ROBO2: variants seen among roughly 807,000 people sequenced by gnomAD.
ROBO2 encodes the protein roundabout homolog 2.
Under a neutral mutation model 160.8 loss-of-function variants are expected in ROBO2, and 53 were observed. That is an observed-to-expected ratio of 0.33 (90% CI 0.26 to 0.41). The LOEUF is 0.41. ROBO2 is among the 10% of genes least tolerant of loss of function. ROBO2 has a pLI of 1.00. For missense variants in ROBO2, 1,577 were observed against 1,722.4 expected (o/e 0.92, Z 1.49); for synonymous variants, 664 against 611.7 (o/e 1.09, Z -1.26).
chr3:77,538,906 A>C (rs1381671893), intron 6 of ROBO2: 1 of 479,590 alleles, frequency 2.1e-6, no homozygotes, highest in Middle Eastern at 3.3e-4. Context: ...TTTTGCAGAA[A>C]CTTTTTAATT....
chr3:76,637,518 G>A (rs998368806), intron 2 of ROBO2, among the ~76,000 whole-genome samples: 3 of 151,892 alleles, frequency 2.0e-5, no homozygotes, highest in South Asian at 2.1e-4. Flanking sequence ...TATATATGGC[G>A]GGGGAGCCAA....
At chr3:77,138,085 C>T (rs555739208) in intron 2 of ROBO2, among the ~76,000 whole-genome samples, 31 of 152,212 alleles carry the variant, frequency 2.0e-4, no homozygotes, top group African/African-American at 7.5e-4. Context: ...CTTTCTCTTG[C>T]AATTCACTCT....
intron 2 of ROBO2, among the ~76,000 whole-genome samples, chr3:76,543,139 T>C (rs1447546113): frequency 6.6e-6 from 1 of 152,224 alleles, no homozygotes; most frequent in African/African-American, 2.4e-5. Context: ...ATCTGCATTC[T>C]AAATTTTCTT....
At chr3:76,704,873 GGT>G (rs139258358) in intron 2 of ROBO2, among the ~76,000 whole-genome samples, 2,523 of 152,058 alleles carry the variant, frequency 0.017, 59 homozygotes, top group African/African-American at 0.056. Context: ...TTATAATGAA[GGT>G]GTTTTTGATT....
chr3:76,135,350 T>G (rs1450261063), intron 2 of ROBO2, among the ~76,000 whole-genome samples: 2 of 152,054 alleles, frequency 1.3e-5, no homozygotes, highest in Non-Finnish European at 2.9e-5. Context: ...TGAAAACAGA[T>G]CAGTAACTTA....
At chr3:76,213,384 A>T (rs760726798) in intron 2 of ROBO2, among the ~76,000 whole-genome samples, 2 of 152,160 alleles carry the variant, frequency 1.3e-5, no homozygotes, top group Non-Finnish European at 2.9e-5. Flanking sequence ...GAGTATGGGA[A>T]ATTCCTTTTA....
intron 2 of ROBO2, among the ~76,000 whole-genome samples, chr3:76,342,245 T>G (rs2074270446): frequency 6.6e-6 from 1 of 152,178 alleles, no homozygotes; most frequent in Non-Finnish European, 1.5e-5. Flanking sequence ...TCTTAGATTT[T>G]ACCCATCTTG....
At chr3:76,967,017 A>G (rs1472359797) in intron 2 of ROBO2, among the ~76,000 whole-genome samples, 2 of 152,174 alleles carry the variant, frequency 1.3e-5, no homozygotes, top group Non-Finnish European at 2.9e-5. Context: ...TTAAGCATCT[A>G]TCGCAGGCCA....
chr3:76,106,262 T>C (rs1429924487), intron 2 of ROBO2, among the ~76,000 whole-genome samples: 3 of 152,096 alleles, frequency 2.0e-5, no homozygotes, highest in South Asian at 2.1e-4. Context: ...GTGAAGCATG[T>C]TTTTTACCTG....
At chr3:76,675,468 C>A (rs145949647) in intron 2 of ROBO2, among the ~76,000 whole-genome samples, 272 of 152,234 alleles carry the variant, frequency 1.8e-3, no homozygotes, top group Non-Finnish European at 3.1e-3. Context: ...ATGCATATGG[C>A]ATTTTATATA....
At chr3:76,062,852 G>C (rs928689791) in intron 2 of ROBO2, among the ~76,000 whole-genome samples, 2 of 152,172 alleles carry the variant, frequency 1.3e-5, no homozygotes, top group African/African-American at 4.8e-5. Flanking sequence ...TGGTGAGAAA[G>C]CAGAGAAAGC....
intron 2 of ROBO2, among the ~76,000 whole-genome samples, chr3:77,356,715 G>C (rs2069183099): frequency 6.6e-6 from 1 of 152,158 alleles, no homozygotes; most frequent in African/African-American, 2.4e-5. Context: ...ATACCATACA[G>C]TCTCAGGAAA....
At chr3:76,404,463 A>G (rs988345249) in intron 2 of ROBO2, among the ~76,000 whole-genome samples, 1 of 151,590 alleles carries the variant, frequency 6.6e-6, no homozygotes, top group Admixed American at 6.6e-5. Flanking sequence ...TAGTAATGCC[A>G]TTGGCCTAAA....
Position 77,590,908 on chromosome 3 carries a change from C to T in ROBO2, c.2683+1975C>T, listed in dbSNP as rs560433299. ...CTGTTACAATTTTTTATTGTTATTGCTACTCATCTGCTTGTAGACGAACTG... is the reference window on the plus strand; with the variant it reads ...CTGTTACAATTTTTTATTGTTATTGTTACTCATCTGCTTGTAGACGAACTG... On this transcript the variant is annotated intron_variant, in intron 17 of 25. Coordinates refer to ENST00000461745, the Ensembl canonical transcript of ROBO2. Among the ~76,000 whole-genome samples, 4 of 152,104 alleles carry T rather than the reference C, an allele frequency of 2.6e-5. No individual in the cohort carries two copies. The East Asian group carries it at 7.8e-4, about 30-fold the overall frequency.
chr3:76,974,190 C>G (rs139241314), intron 2 of ROBO2, among the ~76,000 whole-genome samples: 2 of 152,128 alleles, frequency 1.3e-5, no homozygotes, highest in Non-Finnish European at 2.9e-5. Flanking sequence ...AATAAACCGC[C>G]TTGATAAACA....
At chr3:76,613,922 A>C (rs971105568) in intron 2 of ROBO2, among the ~76,000 whole-genome samples, 1 of 152,074 alleles carries the variant, frequency 6.6e-6, no homozygotes, top group African/African-American at 2.4e-5. Context: ...ATATAGGTTT[A>C]TTGGTTTATT....
intron 2 of ROBO2, among the ~76,000 whole-genome samples, chr3:76,721,963 T>C (rs1002841494): frequency 6.6e-6 from 1 of 152,224 alleles, no homozygotes; most frequent in Non-Finnish European, 1.5e-5. Context: ...CATTCTGCTG[T>C]CTGCCATGAA....
intron 2 of ROBO2, among the ~76,000 whole-genome samples, chr3:76,547,545 G>T (rs1274141455): frequency 6.6e-6 from 1 of 151,962 alleles, no homozygotes; most frequent in African/African-American, 2.4e-5. Flanking sequence ...TCAAGTTATA[G>T]ATGTAAAATT....
chr3:77,250,617 G>C (rs1219663922), intron 2 of ROBO2, among the ~76,000 whole-genome samples: 1 of 152,150 alleles, frequency 6.6e-6, no homozygotes, highest in African/African-American at 2.4e-5. Flanking sequence ...CTTGTGTTTT[G>C]CTAAAGCAGA....
Sources: gnomAD v4.1 joint callset for allele counts (sites outside exome capture counted in the v4.1 genomes callset) on GRCh38, gnomAD v4.1.1 for gene constraint, MANE v1.5 for transcripts, NCBI Gene and HGNC (gene_info 2026-07-23, HGNC 2026-07-21) for gene names.